Variants in C1orf87 observed in about 807,000 individuals in gnomAD.
C1orf87 encodes the protein uncharacterized protein C1orf87.
Under a neutral mutation model 60.5 loss-of-function variants are expected in C1orf87, and 58 were observed. That is an observed-to-expected ratio of 0.96 (90% CI 0.78 to 1.19). The LOEUF is 1.19. Among genes scored for constraint, C1orf87 ranks in the 50% most tolerant of loss-of-function variants. The pLI is 0.00. For synonymous variants in C1orf87, 236 were observed against 227.4 expected, an observed-to-expected ratio of 1.04 and a Z score of -0.34; for missense variants, 673 against 638.6, an observed-to-expected ratio of 1.05 and a Z score of -0.58.
chr1:60,073,218 T>A (rs1218737516), intron 1 of C1orf87, among the ~76,000 whole-genome samples: 2 of 152,184 alleles, frequency 1.3e-5, no homozygotes, highest in African/African-American at 2.4e-5. Flanking sequence ...TTATCACTGA[T>A]CTCTTTCTAC....
intron 3 of C1orf87, among the ~76,000 whole-genome samples, chr1:60,050,746 C>T (rs1645408504): frequency 1.3e-5 from 2 of 151,812 alleles, no homozygotes; most frequent in Non-Finnish European, 2.9e-5. Context: ...CTAGTGTTTT[C>T]CCATTAAATT....
chr1:60,061,434 C>G (rs1270281584), intron 2 of C1orf87, among the ~76,000 whole-genome samples: 1 of 152,098 alleles, frequency 6.6e-6, no homozygotes, highest in African/African-American at 2.4e-5. Flanking sequence ...ACTTCTATCT[C>G]TACACCAACA....
chr1:60,059,264 C>T (rs1645478206), intron 2 of C1orf87, among the ~76,000 whole-genome samples: 1 of 152,118 alleles, frequency 6.6e-6, no homozygotes, highest in South Asian at 2.1e-4. Context: ...TGAAAATAGA[C>T]ATTTGCCATT....
At chr1:60,061,775 C>CAA (rs1557480455) in intron 2 of C1orf87, among the ~76,000 whole-genome samples, 1 of 46,348 alleles carries the variant, frequency 2.2e-5, no homozygotes, top group African/African-American at 8.4e-5. Context: ...CCCATCTCTA[C>CAA]CAAAAAAAAA....
At chr1:60,001,038 A>G in intron 10 of C1orf87, 39 bp downstream of exon 10, 1 of 1,547,664 alleles carries the variant, frequency 6.5e-7, no homozygotes, top group African/African-American at 1.4e-5. Flanking sequence ...AGTATCCATG[A>G]AAACCTTCCC....
At chr1:60,016,291 T>C (rs977059384) in intron 8 of C1orf87, among the ~76,000 whole-genome samples, 2 of 152,220 alleles carry the variant, frequency 1.3e-5, no homozygotes, top group African/African-American at 4.8e-5. Context: ...TTATGCTGTG[T>C]AGCCATGTAG....
intron 11 of C1orf87, 42 bp downstream of exon 11, chr1:59,997,567 C>T: frequency 6.3e-7 from 1 of 1,598,970 alleles, no homozygotes; most frequent in Non-Finnish European, 8.6e-7. Context: ...TAGACTAGAC[C>T]ACAAATAGAA....
intron 7 of C1orf87, among the ~76,000 whole-genome samples, chr1:60,029,460 A>C (rs1186931448): frequency 6.6e-6 from 1 of 151,824 alleles, no homozygotes; most frequent in Admixed American, 6.6e-5. Flanking sequence ...TTGGACCTTT[A>C]GTATAAAATT....
chr1:60,005,770 C>CGTGTGTGTGTGTGTGTGTGTGT (rs139222813), intron 9 of C1orf87, among the ~76,000 whole-genome samples: 25 of 144,014 alleles, frequency 1.7e-4, no homozygotes, highest in African/African-American at 6.4e-4. Context: ...GAAGCTGATT[C>CGTGTGTGTGTGTGTGTGTGTGT]GTGTGTGTGT....
At chr1:60,072,238 C>G (rs1018383374) in intron 2 of C1orf87, among the ~76,000 whole-genome samples, 1 of 152,050 alleles carries the variant, frequency 6.6e-6, no homozygotes, top group African/African-American at 2.4e-5. Flanking sequence ...ATTACAAGCC[C>G]GATGAGAAAA....
chr1:60,034,757 C>T (rs963623779), intron 6 of C1orf87, among the ~76,000 whole-genome samples: 12 of 152,150 alleles, frequency 7.9e-5, no homozygotes, highest in Admixed American at 7.2e-4. Context: ...CTCCAACTTG[C>T]AGTCACATCT....
chr1:59,999,283 G>T (rs993565722), intron 10 of C1orf87, among the ~76,000 whole-genome samples: 1 of 152,144 alleles, frequency 6.6e-6, no homozygotes, highest in Non-Finnish European at 1.5e-5. Flanking sequence ...CGTCTTAACG[G>T]ATTCCTATAA....
chr1:59,997,903 C>A lies in C1orf87; in HGVS notation c.1273-87G>T, dbSNP rs531884527. 3 of 1,276,242 alleles carry A rather than the reference C, an allele frequency of 2.4e-6. No homozygotes were observed. In the Admixed American group the frequency reaches 6.3e-5, roughly 27 times the overall value. The allele number at this position is 1,276,242 out of a possible 1,614,324, so 79.1% of individuals were successfully genotyped here. Reference sequence around the variant, plus strand: ...GCCAAAGATGAGGCCACACAACTAGCAAGATTTATAGCAAGGTTTGAGTTT... The same window carrying A: ...GCCAAAGATGAGGCCACACAACTAGAAAGATTTATAGCAAGGTTTGAGTTT... On this transcript the variant is annotated intron_variant, in intron 10 of 11. Coordinates refer to ENST00000371201, the MANE Select transcript of C1orf87 (RefSeq NM_152377.3).
At chr1:60,023,304 C>A (rs1290224909) in intron 8 of C1orf87, among the ~76,000 whole-genome samples, 1 of 152,062 alleles carries the variant, frequency 6.6e-6, no homozygotes, top group Non-Finnish European at 1.5e-5. Flanking sequence ...CCCTCTCTTC[C>A]TTTTCTGAGA....
intron 11 of C1orf87, among the ~76,000 whole-genome samples, chr1:59,993,847 T>G (rs1289704626): frequency 6.7e-6 from 1 of 149,490 alleles, no homozygotes; most frequent in Admixed American, 6.8e-5. Flanking sequence ...CAACCTCCAC[T>G]TCCTGGGTTC....
chr1:60,007,907 G>A (rs1052686072), intron 9 of C1orf87, among the ~76,000 whole-genome samples: 1 of 151,984 alleles, frequency 6.6e-6, no homozygotes, highest in Non-Finnish European at 1.5e-5. Context: ...CTAGGAAAGA[G>A]AAAATTCACA....
At chr1:60,059,285 G>T (rs1485130541) in intron 2 of C1orf87, among the ~76,000 whole-genome samples, 1 of 152,098 alleles carries the variant, frequency 6.6e-6, no homozygotes, top group Non-Finnish European at 1.5e-5. Flanking sequence ...TCAAAAGAAG[G>T]GGGGAAAAAC....
intron 2 of C1orf87, among the ~76,000 whole-genome samples, chr1:60,062,472 T>A (rs1645503765): frequency 6.6e-6 from 1 of 152,180 alleles, no homozygotes; most frequent in Non-Finnish European, 1.5e-5. Context: ...ATCATATGAG[T>A]ATTTTCTCTA....
chr1:60,057,515 A>G (rs1195716772), intron 2 of C1orf87, among the ~76,000 whole-genome samples: 2 of 152,244 alleles, frequency 1.3e-5, no homozygotes, highest in African/African-American at 4.8e-5. Context: ...GTGAATAGCC[A>G]GTTGAACTGC....
Sources: gnomAD v4.1 joint callset for allele counts (sites outside exome capture counted in the v4.1 genomes callset) on GRCh38, gnomAD v4.1.1 for gene constraint, MANE v1.5 for transcripts, NCBI Gene and HGNC (gene_info 2026-07-23, HGNC 2026-07-21) for gene names.